The following CYTH3 variants were observed in gnomAD, a reference collection of about 807,000 sequenced individuals.
CYTH3 encodes cytohesin-3.
Under a neutral mutation model 55.1 loss-of-function variants are expected in CYTH3, and 23 were observed. That is an observed-to-expected ratio of 0.42 (90% CI 0.30 to 0.59). The LOEUF (loss-of-function observed/expected upper bound fraction) is 0.59. Ranked by LOEUF, CYTH3 falls within the 20% of genes least tolerant of loss-of-function variation. CYTH3 has a pLI of 0.20. For synonymous variants in CYTH3, 249 were observed against 194.9 expected, an observed-to-expected ratio of 1.28 and a Z score of -2.31; for missense variants, 413 against 524.8, an observed-to-expected ratio of 0.79 and a Z score of 2.08.
At chr7:6,235,502 C>T (rs1270163458) in intron 1 of CYTH3, among the ~76,000 whole-genome samples, 2 of 150,884 alleles carry the variant, frequency 1.3e-5, no homozygotes, top group African/African-American at 4.9e-5. Context: ...CTGCTTAGTG[C>T]TTGCTAGATC....
At chr7:6,207,215 C>T (rs1784212741) in intron 1 of CYTH3, among the ~76,000 whole-genome samples, 1 of 151,232 alleles carries the variant, frequency 6.6e-6, no homozygotes, top group African/African-American at 2.4e-5. Flanking sequence ...CTGCCTCAGC[C>T]TCCCGAGTAC....
rs180975204 is a variant in CYTH3, at chr7:6,193,814, A to G, written c.35-3283T>C. Among the ~76,000 whole-genome samples, 196 of 152,294 alleles carry G rather than the reference A, an allele frequency of 1.3e-3. 2 individuals are homozygous for G. The highest frequency in any genetic ancestry group is 6.1e-3 in the Admixed American group (94 of 15,294). ...GGGCACTTCTAACACGTTTGAGGGC[A>G]AGGGCACCCTACTAAAAACAGGGGT... On this transcript the variant is annotated intron_variant, in intron 1 of 12. Transcript: ENST00000350796.
At chr7:6,226,750 G>A (rs961017492) in intron 1 of CYTH3, among the ~76,000 whole-genome samples, 4 of 152,192 alleles carry the variant, frequency 2.6e-5, no homozygotes, top group Non-Finnish European at 5.9e-5. Flanking sequence ...ACCTGAGCAA[G>A]GAAGGATGGC....
At chr7:6,218,346 G>C (rs1043698035) in intron 1 of CYTH3, among the ~76,000 whole-genome samples, 3 of 152,176 alleles carry the variant, frequency 2.0e-5, no homozygotes, top group African/African-American at 7.2e-5. Context: ...TGAAGATGGA[G>C]AGAGGGGTCA....
At chr7:6,198,323 A>C (rs1367498423) in intron 1 of CYTH3, among the ~76,000 whole-genome samples, 1 of 137,038 alleles carries the variant, frequency 7.3e-6, no homozygotes, top group Non-Finnish European at 1.6e-5. Flanking sequence ...GTCTTTGGAC[A>C]CCCAGATTGT....
At chr7:6,213,269 C>A (rs1244362221) in intron 1 of CYTH3, among the ~76,000 whole-genome samples, 5 of 152,174 alleles carry the variant, frequency 3.3e-5, no homozygotes, top group Admixed American at 3.3e-4. Context: ...TAGCTCTTTG[C>A]AATTAAAAGA....
intron 4 of CYTH3, among the ~76,000 whole-genome samples, chr7:6,181,630 G>T (rs1390443965): frequency 6.6e-6 from 1 of 152,086 alleles, no homozygotes; most frequent in South Asian, 2.1e-4. Flanking sequence ...CTTGGCATTT[G>T]GTGGGGCCTT....
In CYTH3 at chr7:6,259,772, T is replaced by TATATATATAA. The variant is rs1491219669; in HGVS notation, c.34+12701_34+12702insTTATATATAT. ...TATATATATATTATATATATATATA[T>TATATATATAA]TATATATATATAATATATATATATA... On this transcript the variant is annotated intron_variant, in intron 1 of 12. Transcript: ENST00000350796. Among the ~76,000 whole-genome samples, 20 of 30,494 alleles carry TATATATATAA rather than the reference T, an allele frequency of 6.6e-4. 2 individuals are homozygous for TATATATATAA. The highest frequency in any genetic ancestry group is 3.4e-3 in the African/African-American group (11 of 3,212). 20.0% of individuals were successfully genotyped at this position (30,494 alleles called of 152,430 possible).
rs1414169864 is a variant in CYTH3 at position 6,167,051 on chromosome 7, C to T, written c.824-1241G>A. Among the ~76,000 whole-genome samples, 1 of 152,184 alleles carries T rather than the reference C, an allele frequency of 6.6e-6. No homozygotes were observed. Among genetic ancestry groups the T allele is most frequent in the East Asian group, 1.9e-4 (1 of 5,178 alleles). On this transcript the variant is annotated intron_variant, in intron 9 of 12. Transcript: ENST00000350796. This position sits in a 1 kb window ranked among gnomAD's most constrained non-coding sequence, Gnocchi z 5.5. ...CCTGGCGGGGCTTCCACTCCCCGAA[C>T]CCCTGCAAGCTGCTCCGTCACTGGA... is the stretch of plus-strand genomic sequence containing the variant.
At chr7:6,184,005 C>G (rs1472603433) in intron 4 of CYTH3, among the ~76,000 whole-genome samples, 1 of 142,156 alleles carries the variant, frequency 7.0e-6, no homozygotes, top group Non-Finnish European at 1.5e-5. Context: ...GCCTCCAGAA[C>G]TGTAAGAAAA....
At chr7:6,236,783 G>C (rs897774902) in intron 1 of CYTH3, among the ~76,000 whole-genome samples, 7 of 151,944 alleles carry the variant, frequency 4.6e-5, no homozygotes, top group Non-Finnish European at 7.4e-5. Flanking sequence ...GGCTGGTCTT[G>C]AACTCCTGAC....
intron 1 of CYTH3, among the ~76,000 whole-genome samples, chr7:6,214,174 G>A (rs6960965): frequency 0.11 from 16,127 of 152,154 alleles, 2,313 homozygotes; most frequent in African/African-American, 0.32. Flanking sequence ...GATGAGAGAC[G>A]GATAAACGGC....
chr7:6,250,472 G>A (rs948018497), intron 1 of CYTH3, among the ~76,000 whole-genome samples: 2 of 152,152 alleles, frequency 1.3e-5, no homozygotes, highest in Non-Finnish European at 2.9e-5. Flanking sequence ...ACCAATCCAA[G>A]TCTCAGTTCC....
intron 1 of CYTH3, among the ~76,000 whole-genome samples, chr7:6,235,581 C>T (rs1029400310): frequency 6.6e-6 from 1 of 152,124 alleles, no homozygotes; most frequent in Non-Finnish European, 1.5e-5. Flanking sequence ...GCCCCTAGGT[C>T]CTGCCTAACT....
intron 1 of CYTH3, among the ~76,000 whole-genome samples, chr7:6,259,737 ATATAT>A (rs1780230761): frequency 2.1e-5 from 1 of 46,626 alleles, no homozygotes; most frequent in Admixed American, 3.5e-4. Flanking sequence ...TTACATACAT[ATATAT>A]AATATATATA....
intron 1 of CYTH3, among the ~76,000 whole-genome samples, chr7:6,204,021 A>T (rs546943032): frequency 4.6e-5 from 7 of 151,616 alleles, no homozygotes; most frequent in African/African-American, 1.7e-4. Flanking sequence ...TCAGCTTCAT[A>T]TTTCACTTTT....
rs1042645045 is a variant in CYTH3 at position 6,167,328 on chromosome 7, G to A, written c.824-1518C>T. 6.6e-6 allele frequency among the ~76,000 whole-genome samples: 1 copy of A among 152,208 alleles called. No individual in the cohort carries two copies. The highest frequency in any genetic ancestry group is 2.4e-5 in the African/African-American group (1 of 41,454). On this transcript the variant is annotated intron_variant, in intron 9 of 12. Transcript: ENST00000350796. This position sits in a 1 kb window ranked among gnomAD's most constrained non-coding sequence, Gnocchi z 5.5. ...CACAGTCCTCCAGTGAGCAGTGAGAGGTGTTCTATGTCCCCGAGACCCTAG... is the reference window on the plus strand; with the variant it reads ...CACAGTCCTCCAGTGAGCAGTGAGAAGTGTTCTATGTCCCCGAGACCCTAG...
Position 6,216,916 on chromosome 7 carries a change from C to CT in CYTH3, c.35-26386dup, listed in dbSNP as rs1199082573. Among the ~76,000 whole-genome samples the CT allele has an allele frequency of 1.5e-3, 209 of 140,712 alleles. 1 individual carries two copies. The highest frequency in any genetic ancestry group is 3.7e-3 in the Middle Eastern group (1 of 272). 92.3% of individuals were successfully genotyped at this position (140,712 alleles called of 152,430 possible). ...TAAGCCCTAATATAATCGATAATGA[C>CT]TTTTTTTTTTTGGTGTGACTGAGTC... On this transcript the variant is annotated intron_variant, in intron 1 of 12. Coordinates refer to ENST00000350796, the MANE Select transcript of CYTH3 (RefSeq NM_004227.4).
chr7:6,168,350 C>A (rs372973213), intron 9 of CYTH3, among the ~76,000 whole-genome samples: 2 of 151,878 alleles, frequency 1.3e-5, no homozygotes, highest in East Asian at 3.9e-4. Flanking sequence ...CTTTTTAAGA[C>A]CACCTGTTCT....
Sources: allele counts gnomAD v4.1 joint callset (sites outside exome capture counted in the v4.1 genomes callset), GRCh38; gene constraint gnomAD v4.1.1; non-coding constraint Gnocchi (gnomAD v3.1); transcripts MANE v1.5; gene names NCBI Gene and HGNC (gene_info 2026-07-23, HGNC 2026-07-21).